Variants in ASCC3 observed in about 807,000 individuals in gnomAD.
The protein encoded by ASCC3 is ASC-1 complex subunit P200.
Under a neutral mutation model 256.3 loss-of-function variants are expected in ASCC3, and 158 were observed. That is an observed-to-expected ratio of 0.62 (90% CI 0.54 to 0.70). ASCC3 has a LOEUF of 0.70. Ranked by LOEUF, ASCC3 falls within the 30% of genes least tolerant of loss-of-function variation. The probability of loss-of-function intolerance (pLI) is 0.00; values close to 1 mark genes in which losing one functional copy is unlikely to be tolerated. For missense variants in ASCC3, 2,259 were observed against 2,626.0 expected, an observed-to-expected ratio of 0.86 and a Z score of 3.05; for synonymous variants, 948 against 883.4, an observed-to-expected ratio of 1.07 and a Z score of -1.30.
chr6:100,683,968 A>G (rs1286391736), intron 13 of ASCC3, among the ~76,000 whole-genome samples: 1 of 152,142 alleles, frequency 6.6e-6, no homozygotes, highest in Non-Finnish European at 1.5e-5. Context: ...GGGAAAAAAA[A>G]GTATGTAAAT....
intron 14 of ASCC3, among the ~76,000 whole-genome samples, chr6:100,669,492 G>C (rs532115551): frequency 6.6e-6 from 1 of 151,502 alleles, no homozygotes; most frequent in African/African-American, 2.4e-5. Context: ...AGGAAAACTT[G>C]ATTTGGCAAA....
At chr6:100,681,187 A>G (rs1410837810) in intron 13 of ASCC3, among the ~76,000 whole-genome samples, 1 of 152,194 alleles carries the variant, frequency 6.6e-6, no homozygotes, top group Non-Finnish European at 1.5e-5. Context: ...TTAAATAACT[A>G]ATACTATTTT....
chr6:100,859,722 T>C (rs1773132651), intron 3 of ASCC3, among the ~76,000 whole-genome samples: 1 of 152,020 alleles, frequency 6.6e-6, no homozygotes, highest in African/African-American at 2.4e-5. Flanking sequence ...TTCATAGTTT[T>C]CTTAAAGATG....
At position 100,601,975 on chromosome 6, in the gene ASCC3, T is replaced by C. The variant is rs1430969574; in HGVS notation, c.5178-40A>G. The C allele has an allele frequency of 2.5e-6, 4 of 1,603,406 alleles. No homozygotes were observed. In the South Asian group the frequency reaches 4.4e-5, roughly 18 times the overall value. On this transcript the variant is annotated intron_variant, in intron 33 of 41. Coordinates refer to ENST00000369162, the MANE Select transcript of ASCC3 (RefSeq NM_006828.4). ...AGACATGGGAAGCATACAAGAGCAT[T>C]AAACTAAAAACACTGAAATTTATCT...
intron 37 of ASCC3, among the ~76,000 whole-genome samples, chr6:100,525,008 A>G (rs1774496576): frequency 6.6e-6 from 1 of 151,552 alleles, no homozygotes; most frequent in African/African-American, 2.4e-5. Context: ...CTTGGGAAAC[A>G]GTGAGATCCC....
chr6:100,640,928 G>C (rs1751395200), intron 24 of ASCC3, among the ~76,000 whole-genome samples: 1 of 152,030 alleles, frequency 6.6e-6, no homozygotes, highest in Non-Finnish European at 1.5e-5. Context: ...TAAAAGTAGT[G>C]AGGACTATAT....
At chr6:100,580,604 T>A (rs1191547215) in intron 36 of ASCC3, among the ~76,000 whole-genome samples, 3 of 151,586 alleles carry the variant, frequency 2.0e-5, no homozygotes, top group Non-Finnish European at 2.9e-5. Flanking sequence ...TATTATACTT[T>A]AAGTTTTAGG....
chr6:100,630,939 G>A (rs1774509131), intron 26 of ASCC3, among the ~76,000 whole-genome samples, 189 bp downstream of exon 26: 2 of 151,952 alleles, frequency 1.3e-5, no homozygotes, highest in South Asian at 2.1e-4. Flanking sequence ...TGGGAATATT[G>A]ATATCATTTT....
chr6:100,713,464 T>C (rs538286225), intron 13 of ASCC3, among the ~76,000 whole-genome samples: 2 of 152,268 alleles, frequency 1.3e-5, no homozygotes, highest in African/African-American at 4.8e-5. Context: ...TGAAACAAAT[T>C]TGTATGAAAC....
chr6:100,558,371 A>C (rs982711344), intron 36 of ASCC3, among the ~76,000 whole-genome samples: 4 of 152,138 alleles, frequency 2.6e-5, no homozygotes, highest in African/African-American at 9.6e-5. Flanking sequence ...TCTTATGAAT[A>C]TTCTAATTCT....
chr6:100,579,099 T>C (rs540724387), intron 36 of ASCC3, among the ~76,000 whole-genome samples: 80 of 152,204 alleles, frequency 5.3e-4, no homozygotes, highest in Non-Finnish European at 9.6e-4. Flanking sequence ...GCACTTTTTT[T>C]CCTATGCTTG....
At position 100,512,895 on chromosome 6, in the gene ASCC3, C is replaced by A; in HGVS notation, c.6099G>T (p.Leu2033Phe). The change falls in exon 40 of 42, where the codon TTG (leucine) becomes TTT (phenylalanine). Residue 2033 changes from leucine (L) to phenylalanine (F), a missense_variant. Leu to Phe is a conservative substitution (Grantham distance 22, BLOSUM62 0). Around this residue, in one of 2 missense-constraint regions of ASCC3, gnomAD observed 1,839 missense variants for 2,206.7 expected, o/e 0.83. Transcript: ENST00000369162. ...TKQAWNFLSH[L>F]PVINVGISVK... The stretch of plus-strand genomic sequence containing the variant: ...CACTTATGCCAACATTTATCACTGG[C>A]AAGTGAGATAAGAAATTCCATGCCT... 6.2e-7 allele frequency: 1 copy of A among 1,613,662 alleles called. No individual in the cohort carries two copies. Among genetic ancestry groups the A allele is most frequent in the Non-Finnish European group, 8.5e-7 (1 of 1,179,890 alleles).
intron 36 of ASCC3, among the ~76,000 whole-genome samples, chr6:100,552,518 T>G (rs570315978): frequency 1.3e-5 from 2 of 152,018 alleles, no homozygotes; most frequent in South Asian, 4.1e-4. Context: ...TATTCAGAAA[T>G]TGTATCCTCT....
chr6:100,617,171 A>G (rs1174342008), intron 30 of ASCC3, among the ~76,000 whole-genome samples: 1 of 151,934 alleles, frequency 6.6e-6, no homozygotes, highest in Non-Finnish European at 1.5e-5. Context: ...TGCTCAGCTA[A>G]TTTTTGTATT....
intron 8 of ASCC3, among the ~76,000 whole-genome samples, chr6:100,790,433 T>G (rs1310173040): frequency 6.6e-6 from 1 of 151,894 alleles, no homozygotes; most frequent in Non-Finnish European, 1.5e-5. Flanking sequence ...CTCAAGAAAT[T>G]ATTACTGATG....
At position 100,662,375 on chromosome 6, in the gene ASCC3, G is replaced by C. The variant is rs762003439; in HGVS notation, c.2448C>G (p.Val816=). Residue 816 remains valine (V), a synonymous_variant, in exon 15 of 42, where the codon GTC becomes GTG. Transcript: ENST00000369162. ...TAATAACAGCATGGGCGGGAAGATT[G>C]ACACCCCAGGCTAACGTAGCTGTAC... ...LVCTATLAWG[V]NLPAHAVIIK... The C allele has an allele frequency of 5.6e-6, 9 of 1,613,008 alleles. No individual in the cohort carries two copies. Among genetic ancestry groups the C allele is most frequent in the Non-Finnish European group, 7.6e-6 (9 of 1,179,312 alleles).
At chr6:100,607,195 A>C in intron 30 of ASCC3, 107 bp from the exon 31 acceptor site, 1 of 1,198,970 alleles carries the variant, frequency 8.3e-7, no homozygotes, top group Non-Finnish European at 1.2e-6. Context: ...TATTATATGG[A>C]CATAAAATAT....
intron 14 of ASCC3, among the ~76,000 whole-genome samples, chr6:100,670,874 A>G (rs767074000): frequency 3.9e-5 from 6 of 152,054 alleles, no homozygotes; most frequent in Admixed American, 2.6e-4. Flanking sequence ...TGTGTACTGC[A>G]GCATTGTTAA....
chr6:100,650,621 T>C lies in ASCC3; in HGVS notation c.3169A>G (p.Ile1057Val). 2 of 1,612,888 alleles carry C rather than the reference T, an allele frequency of 1.2e-6. No homozygotes were observed. Among genetic ancestry groups the C allele is most frequent in the Non-Finnish European group, 1.7e-6 (2 of 1,179,148 alleles). The change falls in exon 20 of 42, where the codon ATA (isoleucine) becomes GTA (valine). Residue 1057 changes from isoleucine (I) to valine (V), a missense_variant. Physicochemically the swap from Ile to Val is conservative, Grantham distance 29. Around this residue, in one of 2 missense-constraint regions of ASCC3, gnomAD observed 1,839 missense variants for 2,206.7 expected, o/e 0.83. Coordinates refer to ENST00000369162, the MANE Select transcript of ASCC3 (RefSeq NM_006828.4). Reference protein sequence around the residue: ...PGGVENSYGKINILLQTYISR... With the variant: ...PGGVENSYGKVNILLQTYISR... ...ATATAAGTTTGAAGTAAGATGTTTATTTTCCCATAACTATTCTCTACACCT... is the reference window on the plus strand; with the variant it reads ...ATATAAGTTTGAAGTAAGATGTTTACTTTCCCATAACTATTCTCTACACCT...
Sources: allele counts gnomAD v4.1 joint callset (sites outside exome capture counted in the v4.1 genomes callset), GRCh38; gene constraint gnomAD v4.1.1; regional missense constraint gnomAD v4.1.1; transcripts MANE v1.5; gene names NCBI Gene and HGNC (gene_info 2026-07-23, HGNC 2026-07-21).